Variants in ANKS1A observed in about 807,000 individuals in gnomAD.
ANKS1A encodes the protein ankyrin repeat and sterile alpha motif domain containing 1A, also known as ankyrin repeat and SAM domain-containing protein 1A.
ANKS1A carries 55 observed loss-of-function variants against 120.3 expected under a neutral mutation model. The observed-to-expected ratio is 0.46, with a 90% CI of 0.37 to 0.57. ANKS1A has a LOEUF of 0.57. Among genes scored for constraint, ANKS1A ranks in the 20% least tolerant of loss-of-function variants. The pLI is 0.00. For synonymous variants in ANKS1A, 590 were observed against 604.7 expected (o/e 0.98, Z 0.36); for missense variants, 1,123 against 1,480.3 (o/e 0.76, Z 3.96).
At chr6:35,071,802 T>C (rs904022920) in intron 13 of ANKS1A, among the ~76,000 whole-genome samples, 6 of 152,260 alleles carry the variant, frequency 3.9e-5, no homozygotes, top group African/African-American at 1.4e-4. Context: ...CCCGGCCTCG[T>C]GGAGCCTTCC....
downstream of ANKS1A, among the ~76,000 whole-genome samples, chr6:35,093,109 C>T (rs1581776931): frequency 6.6e-6 from 1 of 152,096 alleles, no homozygotes; most frequent in East Asian, 1.9e-4. Context: ...CAACTAACAA[C>T]AAGGAAAGCT....
intron 1 of ANKS1A, among the ~76,000 whole-genome samples, chr6:34,900,532 C>A (rs1200510097): frequency 6.6e-6 from 1 of 151,986 alleles, no homozygotes; most frequent in Non-Finnish European, 1.5e-5. Context: ...CTCAAGCGAT[C>A]CTCCTGCTTC....
chr6:35,009,581 C>G (rs1208138106), intron 10 of ANKS1A, among the ~76,000 whole-genome samples: 1 of 152,026 alleles, frequency 6.6e-6, no homozygotes, highest in Non-Finnish European at 1.5e-5. Flanking sequence ...ATTTAGGAGT[C>G]ATCCAAGTTG....
chr6:35,078,206 A>G (rs911198459), intron 13 of ANKS1A, among the ~76,000 whole-genome samples: 4 of 152,140 alleles, frequency 2.6e-5, no homozygotes, highest in African/African-American at 9.7e-5. Flanking sequence ...GAACCTTAGG[A>G]TGAGTCCACT....
chr6:35,017,768 C>T lies in ANKS1A; in HGVS notation c.1719C>T (p.Pro573=). ...SKRVGYLTGL[P]TTNSRSHPET... is the part of the protein sequence containing the mutation. ...GAGTGGGCTACCTCACAGGCCTGCC[C>T]ACCACCAACAGCCGCTCGCACCCTG... The change falls in exon 11 of 24, where the codon CCC becomes CCT. Residue 573 remains proline, a synonymous_variant. Coordinates refer to ENST00000360359, the MANE Select transcript of ANKS1A (RefSeq NM_015245.3). 1.2e-6 allele frequency: 2 copies of T among 1,614,192 alleles called. No individual in the cohort carries two copies. Among genetic ancestry groups the T allele is most frequent in the Non-Finnish European group, 1.7e-6 (2 of 1,180,052 alleles).
At chr6:34,956,810 C>T (rs1182897953) in intron 1 of ANKS1A, among the ~76,000 whole-genome samples, 1 of 152,140 alleles carries the variant, frequency 6.6e-6, no homozygotes, top group African/African-American at 2.4e-5. Context: ...CGTCTAGATC[C>T]AAGCTGGTTC....
chr6:34,897,143 C>T (rs1396958823), intron 1 of ANKS1A, among the ~76,000 whole-genome samples: 1 of 152,008 alleles, frequency 6.6e-6, no homozygotes, highest in Non-Finnish European at 1.5e-5. Context: ...AGTGGTCTCC[C>T]TTTTTCCTGC....
chr6:34,931,341 T>A (rs1327062780), intron 1 of ANKS1A, among the ~76,000 whole-genome samples: 1 of 151,978 alleles, frequency 6.6e-6, no homozygotes, highest in East Asian at 1.9e-4. Context: ...AGAGATGGGG[T>A]TTCACTATGT....
intron 12 of ANKS1A, 64 bp downstream of exon 12, chr6:35,054,229 C>G: frequency 6.7e-7 from 1 of 1,495,022 alleles, no homozygotes; most frequent in Non-Finnish European, 9.3e-7. Flanking sequence ...CTGGCTCAGG[C>G]TTTCCTCTAA....
At chr6:34,969,332 C>G (rs1316841958) in intron 2 of ANKS1A, among the ~76,000 whole-genome samples, 1 of 152,210 alleles carries the variant, frequency 6.6e-6, no homozygotes, top group African/African-American at 2.4e-5. Context: ...CAGCTCACTA[C>G]AACCTCTGCC....
At chr6:35,052,609 TAAAAAA>T (rs59378149) in intron 11 of ANKS1A, among the ~76,000 whole-genome samples, 5 of 102,412 alleles carry the variant, frequency 4.9e-5, no homozygotes, top group East Asian at 3.1e-4. Flanking sequence ...TCTTCTCTGT[TAAAAAA>T]AAAAAAAAAA....
At chr6:35,006,187 TAA>T (rs35521731) in intron 10 of ANKS1A, among the ~76,000 whole-genome samples, 71,737 of 128,110 alleles carry the variant, frequency 0.56, 23,722 homozygotes, top group Non-Finnish European at 0.73. Context: ...GACTCTGTCT[TAA>T]AAAAAAAAAA....
intron 1 of ANKS1A, among the ~76,000 whole-genome samples, chr6:34,899,948 A>G (rs1767266709): frequency 6.6e-6 from 1 of 152,216 alleles, no homozygotes; most frequent in South Asian, 2.1e-4. Flanking sequence ...CAGTAACTCA[A>G]TAGCTCAGAA....
intron 13 of ANKS1A, among the ~76,000 whole-genome samples, chr6:35,077,187 C>G (rs573242028): frequency 6.6e-6 from 1 of 152,222 alleles, no homozygotes; most frequent in South Asian, 2.1e-4. Flanking sequence ...AGGCACGCAC[C>G]CTTGATTCAA....
intron 1 of ANKS1A, among the ~76,000 whole-genome samples, chr6:34,962,202 T>C (rs1055523238): frequency 6.6e-6 from 1 of 152,216 alleles, no homozygotes. Flanking sequence ...ATTTAGCTTC[T>C]TGTTTAGAAA....
intron 3 of ANKS1A, chr6:34,972,599 G>A: frequency 1.0e-6 from 1 of 985,242 alleles, no homozygotes; most frequent in African/African-American, 1.7e-5. Flanking sequence ...TGAGATCAAA[G>A]AACTCAAAAA....
chr6:35,078,569 G>A lies in ANKS1A; in HGVS notation c.2196G>A (p.Val732=), dbSNP rs1777488443. The change falls in exon 14 of 24, where the codon GTG becomes GTA. Residue 732 remains valine, a synonymous_variant. Coordinates refer to ENST00000360359, the MANE Select transcript of ANKS1A (RefSeq NM_015245.3). Reference sequence around the variant, plus strand: ...CTTTCTGCTCTCAGGGGTCTAATGTGATGGAAGAGCAGGACCTGCGGGACA... The same window carrying A: ...CTTTCTGCTCTCAGGGGTCTAATGTAATGGAAGAGCAGGACCTGCGGGACA... ...FDDVHFLGSN[V]MEEQDLRDIG... 2 of 1,611,056 alleles carry A rather than the reference G, an allele frequency of 1.2e-6. No individual in the cohort carries two copies. The highest frequency in any genetic ancestry group is 1.3e-5 in the African/African-American group (1 of 75,044).
chr6:35,027,839 G>A (rs1774706299), intron 11 of ANKS1A, among the ~76,000 whole-genome samples: 1 of 152,204 alleles, frequency 6.6e-6, no homozygotes, highest in Non-Finnish European at 1.5e-5. Flanking sequence ...CAGTGGGTAA[G>A]AAGAATGTCT....
At chr6:34,911,291 G>C (rs1318390230) in intron 1 of ANKS1A, among the ~76,000 whole-genome samples, 1 of 152,134 alleles carries the variant, frequency 6.6e-6, no homozygotes, top group Non-Finnish European at 1.5e-5. Context: ...GGTTTATGTA[G>C]TTATTTATTT....
Sources: gnomAD v4.1 joint callset for allele counts (sites outside exome capture counted in the v4.1 genomes callset) on GRCh38, gnomAD v4.1.1 for gene constraint, MANE v1.5 for transcripts, NCBI Gene and HGNC (gene_info 2026-07-23, HGNC 2026-07-21) for gene names.